Variants in COPS3 observed in about 807,000 individuals in gnomAD.
COPS3 encodes the protein COP9 signalosome complex subunit 3.
In COPS3, 10 loss-of-function variants were observed where a neutral mutation model predicts 58.2. The ratio of observed to expected loss-of-function variants is 0.17; its 90% confidence interval spans 0.11 to 0.29. The LOEUF (loss-of-function observed/expected upper bound fraction) is 0.29, where lower values mean the gene tolerates loss of function less well. COPS3 is among the 10% of genes least tolerant of loss of function. The probability of loss-of-function intolerance (pLI) is 1.00; values close to 1 mark genes in which losing one functional copy is unlikely to be tolerated. For missense variants in COPS3, 333 were observed against 510.1 expected, an observed-to-expected ratio of 0.65 and a Z score of 3.34; for synonymous variants, 187 against 181.7, an observed-to-expected ratio of 1.03 and a Z score of -0.24.
intron 1 of COPS3, among the ~76,000 whole-genome samples, chr17:17,278,372 C>T (rs76118135): frequency 3.5e-4 from 54 of 152,258 alleles, no homozygotes; most frequent in African/African-American, 1.2e-3. Flanking sequence ...TAGTATAATG[C>T]TTAAAATACA....
intron 10 of COPS3, among the ~76,000 whole-genome samples, 162 bp downstream of exon 10, chr17:17,248,764 C>G (rs1006862332): frequency 6.6e-6 from 1 of 152,172 alleles, no homozygotes; most frequent in East Asian, 1.9e-4. Context: ...AAGCAATTCT[C>G]CTTAAGCAGC....
chr17:17,253,171 A>G (rs2047889305), intron 9 of COPS3, among the ~76,000 whole-genome samples: 3 of 152,196 alleles, frequency 2.0e-5, no homozygotes, highest in South Asian at 2.1e-4. Context: ...GGCTGCAGTG[A>G]GCCATGATTA....
chr17:17,279,876 C>T (rs2048537744), intron 1 of COPS3, among the ~76,000 whole-genome samples: 1 of 152,158 alleles, frequency 6.6e-6, no homozygotes, highest in African/African-American at 2.4e-5. Context: ...TCTAATCATT[C>T]GAATTTCAGG....
chr17:17,280,311 G>A (rs574559775), intron 1 of COPS3, among the ~76,000 whole-genome samples: 1 of 152,162 alleles, frequency 6.6e-6, no homozygotes, highest in Admixed American at 6.6e-5. Flanking sequence ...GCTGAGACAG[G>A]AGAATCGCTT....
At chr17:17,263,664 C>G (rs920789978) in intron 6 of COPS3, among the ~76,000 whole-genome samples, 1 of 151,748 alleles carries the variant, frequency 6.6e-6, no homozygotes. Flanking sequence ...CAGGCATGCA[C>G]CACCATGCCC....
intron 7 of COPS3, 84 bp downstream of exon 7, chr17:17,261,882 C>G (rs537774731): frequency 8.0e-7 from 1 of 1,246,436 alleles, no homozygotes; most frequent in East Asian, 2.4e-5. Context: ...CAGTATAAAA[C>G]GAAGTTACAG....
At chr17:17,255,839 AAAATAAAT>A (rs144619560) in intron 8 of COPS3, among the ~76,000 whole-genome samples, 3,961 of 127,362 alleles carry the variant, frequency 0.031, 196 homozygotes, top group African/African-American at 0.11. Context: ...ACTCCATCTC[AAAATAAAT>A]AAATAAATAA....
At chr17:17,252,019 A>C (rs1474588659) in intron 9 of COPS3, among the ~76,000 whole-genome samples, 1 of 151,730 alleles carries the variant, frequency 6.6e-6, no homozygotes, top group African/African-American at 2.4e-5. Flanking sequence ...CAGTGAGCTG[A>C]GATCGCACCA....
At chr17:17,270,633 C>G in intron 4 of COPS3, 125 bp downstream of exon 4, 6 of 867,240 alleles carry the variant, frequency 6.9e-6, no homozygotes, top group Non-Finnish European at 1.1e-5. Context: ...TGAGTGCTCT[C>G]AAGTGACCAC....
intron 7 of COPS3, 61 bp from the exon 8 acceptor site, chr17:17,260,535 G>A: frequency 6.6e-7 from 1 of 1,517,170 alleles, no homozygotes; most frequent in Non-Finnish European, 9.1e-7. Flanking sequence ...CAGGTGTGGG[G>A]ACTCACGCCT....
Position 17,270,684 on chromosome 17 carries a change from T to TTATC in COPS3, c.348+73_348+74insGATA, listed in dbSNP as rs2145243201. Reference sequence around the variant, plus strand: ...GGATGCTCAGTACTAACTGGAATCTTGATAAAGTAATTCATTGTGTAAGCT... The same window carrying TTATC: ...GGATGCTCAGTACTAACTGGAATCTTTATCGATAAAGTAATTCATTGTGTAAGCT... On this transcript the variant is annotated intron_variant, in intron 4 of 11. Transcript: ENST00000268717. The TTATC allele has an allele frequency of 3.0e-6, 4 of 1,329,072 alleles. No individual in the cohort carries two copies. The East Asian group carries it at 1.0e-4, about 33-fold the overall frequency. 82.3% of individuals were successfully genotyped at this position (1,329,072 alleles called of 1,614,324 possible).
chr17:17,280,005 CT>C (rs766021088), intron 1 of COPS3, among the ~76,000 whole-genome samples: 1 of 152,212 alleles, frequency 6.6e-6, no homozygotes, highest in Non-Finnish European at 1.5e-5. Context: ...TGGCTCACGC[CT>C]GTAATCCTAG....
intron 2 of COPS3, among the ~76,000 whole-genome samples, chr17:17,273,642 G>A (rs1409251837): frequency 6.6e-6 from 1 of 152,038 alleles, no homozygotes; most frequent in African/African-American, 2.4e-5. Flanking sequence ...CTTGAGCTCA[G>A]GAGTTCAAGA....
At position 17,246,818 on chromosome 17, in the gene COPS3, A is replaced by G; in HGVS notation, c.*280T>C. ...GAGAAAAAAGTGATACAGAAGACAC[A>G]TTAATGTTCAAGCAACTTAAAACAA... On this transcript the variant is annotated 3_prime_UTR_variant, in exon 12 of 12. Coordinates refer to ENST00000268717, the MANE Select transcript of COPS3 (RefSeq NM_003653.4). 1 of 419,098 alleles carries G rather than the reference A, an allele frequency of 2.4e-6. No individual in the cohort carries two copies. Among genetic ancestry groups the G allele is most frequent in the Admixed American group, 3.7e-5 (1 of 27,162 alleles). 26.0% of individuals were successfully genotyped at this position (419,098 alleles called of 1,614,324 possible). A position where few individuals can be genotyped will look rare whatever the true frequency, so the allele number is the denominator to read the frequency against.
At position 17,260,376 on chromosome 17, in the gene COPS3, A is replaced by G. The variant is rs763114048; in HGVS notation, c.861T>C (p.Thr287=). The G allele has an allele frequency of 6.2e-7, 1 of 1,614,200 alleles. No individual in the cohort carries two copies. Among genetic ancestry groups the G allele is most frequent in the East Asian group, 2.2e-5 (1 of 44,890 alleles). The change falls in exon 8 of 12, where the codon ACT becomes ACC. Residue 287 remains threonine, a synonymous_variant. Transcript: ENST00000268717. ...NLVNKHSETF[T]RDNNMGLVKQ... is the part of the protein sequence containing the mutation. ...TCACCAGCCCCATGTTGTTATCGCG[A>G]GTGAAGGTTTCACTGTGCTTATTCA...
chr17:17,272,764 T>G (rs2048380002), intron 2 of COPS3, among the ~76,000 whole-genome samples: 2 of 152,156 alleles, frequency 1.3e-5, no homozygotes, highest in African/African-American at 4.8e-5. Flanking sequence ...TAGCTGGGTG[T>G]AGTGGTACAT....
intron 9 of COPS3, among the ~76,000 whole-genome samples, chr17:17,252,257 C>A (rs535850508): frequency 5.7e-4 from 86 of 151,174 alleles, no homozygotes; most frequent in Middle Eastern, 6.8e-3. Context: ...AACAAACAAA[C>A]AAAAAAAAAC....
chr17:17,274,460 T>A (rs1370521076), intron 2 of COPS3, among the ~76,000 whole-genome samples: 1 of 146,648 alleles, frequency 6.8e-6, no homozygotes, highest in Admixed American at 7.0e-5. Flanking sequence ...TCTCACACTC[T>A]GTCACCCAGA....
chr17:17,278,722 C>T (rs1409524348), intron 1 of COPS3, among the ~76,000 whole-genome samples: 1 of 151,932 alleles, frequency 6.6e-6, no homozygotes, highest in Non-Finnish European at 1.5e-5. Context: ...AATCAGTGCC[C>T]AGTTGAGACT....
Sources: gnomAD v4.1 joint callset for allele counts (sites outside exome capture counted in the v4.1 genomes callset) on GRCh38, gnomAD v4.1.1 for gene constraint, MANE v1.5 for transcripts, NCBI Gene and HGNC (gene_info 2026-07-23, HGNC 2026-07-21) for gene names.